IL1RAPL1: variants seen among roughly 807,000 people sequenced by gnomAD.
IL1RAPL1 encodes interleukin 1 receptor accessory protein like 1.
A neutral mutation model predicts 48.4 loss-of-function variants in IL1RAPL1; 3 were observed. The ratio of observed to expected loss-of-function variants is 0.06; its 90% confidence interval spans 0.03 to 0.16. The LOEUF is 0.16. Among genes scored for constraint, IL1RAPL1 ranks in the 10% least tolerant of loss-of-function variants. The pLI, the probability that IL1RAPL1 is intolerant of heterozygous loss-of-function variation, is 1.00. For synonymous variants in IL1RAPL1, 185 were observed against 187.7 expected, an observed-to-expected ratio of 0.99 and a Z score of 0.12; for missense variants, 349 against 530.6, an observed-to-expected ratio of 0.66 and a Z score of 3.36.
intron 2 of IL1RAPL1, among the ~76,000 whole-genome samples, chrX:29,230,956 A>G (rs1458178914): frequency 8.9e-6 from 1 of 111,744 alleles, no homozygotes; most frequent in Non-Finnish European, 1.9e-5. Context: ...CATTTTTAAG[A>G]GAGCTGTTGT....
At chrX:28,886,846 T>C (rs746896282) in intron 2 of IL1RAPL1, among the ~76,000 whole-genome samples, 1 of 111,303 alleles carries the variant, frequency 9.0e-6, no homozygotes, top group East Asian at 2.8e-4. Context: ...GATAACCTCA[T>C]ATTCATAATA....
At chrX:28,923,144 T>A (rs1394879103) in intron 2 of IL1RAPL1, among the ~76,000 whole-genome samples, 2 of 112,147 alleles carry the variant, frequency 1.8e-5, no homozygotes, top group African/African-American at 6.5e-5. Context: ...GCTCATGGAA[T>A]GGTACACCTA....
intron 3 of IL1RAPL1, among the ~76,000 whole-genome samples, chrX:29,325,652 C>G (rs1251756765): frequency 2.7e-5 from 3 of 112,082 alleles, no homozygotes; most frequent in Non-Finnish European, 5.6e-5. Context: ...ACTGATATCT[C>G]TTTGAAATCC....
chrX:29,087,135 T>A (rs769352377), intron 2 of IL1RAPL1, among the ~76,000 whole-genome samples: 96 of 57,744 alleles, frequency 1.7e-3, no homozygotes, highest in African/African-American at 9.6e-3. Context: ...TATTTAAAAA[T>A]TTTTTTTTTT....
intron 5 of IL1RAPL1, among the ~76,000 whole-genome samples, chrX:29,440,594 G>A (rs1045960649): frequency 1.8e-5 from 2 of 112,005 alleles, no homozygotes; most frequent in South Asian, 3.7e-4. Context: ...AAAATGATAA[G>A]CCATATTAAA....
intron 1 of IL1RAPL1, among the ~76,000 whole-genome samples, chrX:28,747,335 T>C (rs781715380): frequency 5.7e-4 from 64 of 111,852 alleles, no homozygotes; most frequent in African/African-American, 2.0e-3. Context: ...TTCTTACCCT[T>C]GAATAACAGT....
Position 29,736,528 on chromosome X carries a change from C to A in IL1RAPL1, c.778+68024C>A, listed in dbSNP as rs568237636. Among the ~76,000 whole-genome samples the A allele has an allele frequency of 4.0e-3, 453 of 112,068 alleles. 1 individual carries two copies. Among genetic ancestry groups the A allele is most frequent in the Middle Eastern group, 9.2e-3 (2 of 217 alleles). ...ATCACCTGAGGTCAGGAGTTTCAGA[C>A]CAGCCTGGCCAACATGGTGAAACCC... On this transcript the variant is annotated intron_variant, in intron 6 of 10. Coordinates refer to ENST00000378993, the MANE Select transcript of IL1RAPL1 (RefSeq NM_014271.4).
At chrX:28,651,891 C>T (rs1934687598) in intron 1 of IL1RAPL1, among the ~76,000 whole-genome samples, 2 of 111,418 alleles carry the variant, frequency 1.8e-5, no homozygotes, top group African/African-American at 3.3e-5. Flanking sequence ...CTCTCCTACT[C>T]CTTCTGGACA....
At chrX:29,500,682 G>A (rs748548589) in intron 5 of IL1RAPL1, among the ~76,000 whole-genome samples, 1 of 112,123 alleles carries the variant, frequency 8.9e-6, no homozygotes, top group South Asian at 3.7e-4. Flanking sequence ...TTATGTATAT[G>A]TATATATGTC....
rs775285279 is a variant in IL1RAPL1 at position 29,843,309 on chromosome X, G to C, written c.779-74155G>C. The stretch of plus-strand genomic sequence containing the variant: ...GCATGGGCCTTAGTAGTATAAAATA[G>C]ATATGAAATATTGTACAAATAATAT... On this transcript the variant is annotated intron_variant, in intron 6 of 10. Coordinates refer to ENST00000378993, the MANE Select transcript of IL1RAPL1 (RefSeq NM_014271.4). Among the ~76,000 whole-genome samples, 5 of 112,266 alleles carry C rather than the reference G, an allele frequency of 4.5e-5. No homozygotes were observed. The East Asian group carries it at 1.4e-3, about 31-fold the overall frequency.
At chrX:29,027,777 C>G (rs1926518516) in intron 2 of IL1RAPL1, among the ~76,000 whole-genome samples, 1 of 111,271 alleles carries the variant, frequency 9.0e-6, no homozygotes, top group Admixed American at 9.6e-5. Flanking sequence ...ATTTGCACTT[C>G]TCTGATGACA....
intron 5 of IL1RAPL1, among the ~76,000 whole-genome samples, chrX:29,409,182 G>A (rs769457198): frequency 8.9e-6 from 1 of 111,898 alleles, no homozygotes; most frequent in South Asian, 3.7e-4. Context: ...TGATAAAAGG[G>A]GCAGATCTTT....
intron 1 of IL1RAPL1, among the ~76,000 whole-genome samples, chrX:28,755,306 ATT>A (rs1936094480): frequency 8.9e-6 from 1 of 112,565 alleles, no homozygotes; most frequent in South Asian, 3.6e-4. Flanking sequence ...TCATGTTCAC[ATT>A]TTTATCCCAT....
chrX:29,232,741 T>G (rs1931223187), intron 2 of IL1RAPL1, among the ~76,000 whole-genome samples: 1 of 112,284 alleles, frequency 8.9e-6, no homozygotes, highest in East Asian at 2.8e-4. Flanking sequence ...TACTAACTTT[T>G]CCAGGCCCAC....
At chrX:29,589,332 C>T (rs949001109) in intron 5 of IL1RAPL1, among the ~76,000 whole-genome samples, 1 of 111,800 alleles carries the variant, frequency 8.9e-6, no homozygotes, top group African/African-American at 3.2e-5. Flanking sequence ...AGTTAGCGAG[C>T]ATCTTCTATG....
chrX:28,891,875 A>G (rs1221947918), intron 2 of IL1RAPL1, among the ~76,000 whole-genome samples: 1 of 111,522 alleles, frequency 9.0e-6, no homozygotes, highest in East Asian at 2.8e-4. Context: ...CATCCTTACC[A>G]ATACTTGTTA....
At chrX:29,230,511 A>AAAAAAAAAAAAAAC (rs1931174133) in intron 2 of IL1RAPL1, among the ~76,000 whole-genome samples, 1 of 89,003 alleles carries the variant, frequency 1.1e-5, no homozygotes, top group Non-Finnish European at 2.2e-5. Context: ...TACCAAAAAA[A>AAAAAAAAAAAAAAC]AAAAAAAAAA....
intron 1 of IL1RAPL1, among the ~76,000 whole-genome samples, chrX:28,762,087 T>C (rs1412566624): frequency 8.9e-6 from 1 of 112,087 alleles, no homozygotes; most frequent in Non-Finnish European, 1.9e-5. Context: ...TCATGATTAG[T>C]ATCTGTCATC....
chrX:28,655,156 T>C (rs920336152), intron 1 of IL1RAPL1, among the ~76,000 whole-genome samples: 4 of 111,482 alleles, frequency 3.6e-5, no homozygotes, highest in Admixed American at 9.6e-5. Context: ...ACATACACAC[T>C]TATATAAGAA....
Sources: gnomAD v4.1 joint callset for allele counts (sites outside exome capture counted in the v4.1 genomes callset) on GRCh38, gnomAD v4.1.1 for gene constraint, MANE v1.5 for transcripts, NCBI Gene and HGNC (gene_info 2026-07-23, HGNC 2026-07-21) for gene names.